Variants in SAP25 observed in about 807,000 individuals in gnomAD.
SAP25 encodes histone deacetylase complex subunit SAP25.
A neutral mutation model predicts 31.5 loss-of-function variants in SAP25; 24 were observed. The observed-to-expected ratio is 0.76, with a 90% confidence interval of 0.55 to 1.07. The LOEUF (loss-of-function observed/expected upper bound fraction) is 1.07, where lower values mean the gene tolerates loss of function less well. Among genes scored for constraint, SAP25 ranks in the 50% least tolerant of loss-of-function variants. The pLI is 0.00. For synonymous variants in SAP25, 180 were observed against 186.0 expected, an observed-to-expected ratio of 0.97 and a Z score of 0.26; for missense variants, 377 against 418.8, an observed-to-expected ratio of 0.90 and a Z score of 0.87.
chr7:100,572,658 TG>T lies in SAP25; in HGVS notation c.604del (p.Gln202SerfsTer3). On this transcript the variant is annotated frameshift_variant, in exon 5 of 6. Coordinates refer to ENST00000622764, the MANE Select transcript of SAP25 (RefSeq NM_001348680.2). LOFTEE classifies it high-confidence loss of function. The surrounding 1 kb of genome is among the most constrained non-coding windows in gnomAD (Gnocchi z 4.1). ...GGGAGGGGAAAGAGCTCTCACCTGCTGGGGGGCCTTGGACAGGTACAGGGGA... is the reference window on the plus strand; with the variant it reads ...GGGAGGGGAAAGAGCTCTCACCTGCTGGGGGCCTTGGACAGGTACAGGGGA... ...RVPLYLSKAP[Q>X]QMMGSLKLLP... 6.5e-7 allele frequency: 1 copy of T among 1,531,908 alleles called. No individual in the cohort carries two copies. Among genetic ancestry groups the T allele is most frequent in the Non-Finnish European group, 8.7e-7 (1 of 1,145,058 alleles). 94.9% of individuals were successfully genotyped at this position (1,531,908 alleles called of 1,614,324 possible).
chr7:100,573,119 G>A lies in SAP25; in HGVS notation c.344C>T (p.Pro115Leu), dbSNP rs1801195392. The change falls in exon 3 of 6, where the codon CCT becomes CTT. Residue 115 changes from proline (P) to leucine (L), a missense_variant. Physicochemically the swap from Pro to Leu is moderately conservative, Grantham distance 98. Transcript: ENST00000622764. The stretch of plus-strand genomic sequence containing the variant: ...CCCCCAACTCACCCACACCGGCCGA[G>A]GTCCTGCTTTGGCTTCATACTTGGG... ...WDPKYEAKAG[P>L]RPVWGANCSS... 1 of 1,536,036 alleles carries A rather than the reference G, an allele frequency of 6.5e-7. No individual in the cohort carries two copies. Among genetic ancestry groups the A allele is most frequent in the Non-Finnish European group, 8.7e-7 (1 of 1,146,246 alleles).
At position 100,572,864 on chromosome 7, in the gene SAP25, A is replaced by C; in HGVS notation, c.507T>G (p.Asp169Glu). The C allele has an allele frequency of 6.8e-7, 1 of 1,464,156 alleles. No individual in the cohort carries two copies. The highest frequency in any genetic ancestry group is 9.0e-7 in the Non-Finnish European group (1 of 1,112,530). 90.7% of individuals were successfully genotyped at this position (1,464,156 alleles called of 1,614,324 possible). A position where few individuals can be genotyped will look rare whatever the true frequency, so the allele number is the denominator to read the frequency against. The stretch of plus-strand genomic sequence containing the variant: ...CCGGGGGACCAAGGGAGGTACCTGC[A>C]TCTGGGGGCGCCTGCTGTCCATTCC... ...GHWNGQQAPP[D>E]AGFPVVCCED... is the part of the protein sequence containing the mutation. Residue 169 changes from aspartate (D) to glutamate (E), a missense_variant, in exon 4 of 6, where the codon GAT becomes GAG. Asp to Glu is a conservative substitution (Grantham distance 45). Transcript: ENST00000622764. This position sits in a 1 kb window ranked among gnomAD's most constrained non-coding sequence, Gnocchi z 4.1.
chr7:100,573,077 C>A, intron 3 of SAP25, 29 bp downstream of exon 3: 2 of 1,526,522 alleles, frequency 1.3e-6, no homozygotes, highest in Non-Finnish European at 1.8e-6. Flanking sequence ...AGCACCCCAG[C>A]CAGTCCCACA....
At position 100,572,352 on chromosome 7, in the gene SAP25, T is replaced by C. The variant is rs575414696; in HGVS notation, c.829A>G (p.Ser277Gly). 1.6e-5 allele frequency: 22 copies of C among 1,373,420 alleles called. No homozygotes were observed. The East Asian group carries it at 6.0e-4, about 37-fold the overall frequency. The allele number at this position is 1,373,420 out of a possible 1,614,324, so 85.1% of individuals were successfully genotyped here. ...TCAGCACCCTGAGAACTGCTGGGGC[T>C]ACCACAGGGGCTGGGTGGGTCAGAG... The part of the protein sequence containing the change: ...HTSDPPSPCG[S>G]PSSSQGADLS... The change falls in exon 6 of 6, where the codon AGC (serine) becomes GGC (glycine). Residue 277 changes from serine (S) to glycine (G), a missense_variant. Transcript: ENST00000622764. This position sits in a 1 kb window ranked among gnomAD's most constrained non-coding sequence, Gnocchi z 4.1.
chr7:100,572,656 G>T lies in SAP25; in HGVS notation c.607C>A (p.Gln203Lys). ...VPLYLSKAPQ[Q>K]MMGSLKLLPP... ...CAGGGAGGGGAAAGAGCTCTCACCT[G>T]CTGGGGGGCCTTGGACAGGTACAGG... Residue 203 changes from glutamine (Q) to lysine (K), a missense_variant and splice_region_variant, in exon 5 of 6, where the codon CAG becomes AAG. Coordinates refer to ENST00000622764, the MANE Select transcript of SAP25 (RefSeq NM_001348680.2). The surrounding 1 kb of genome is among the most constrained non-coding windows in gnomAD (Gnocchi z 4.1). 1 of 1,531,652 alleles carries T rather than the reference G, an allele frequency of 6.5e-7. No homozygotes were observed. 94.9% of individuals were successfully genotyped at this position (1,531,652 alleles called of 1,614,324 possible).
At position 100,572,616 on chromosome 7, in the gene SAP25, A is replaced by C. The variant is rs959485932; in HGVS notation, c.609+38T>G. ...TGTGTTTCCTGCCAGGCAAGCCTGG[A>C]GGCTGGGGTAAGGACAGGGAGGGGA... On this transcript the variant is annotated intron_variant, in intron 5 of 5. Transcript: ENST00000622764. This position sits in a 1 kb window ranked among gnomAD's most constrained non-coding sequence, Gnocchi z 4.1. 1 of 1,504,854 alleles carries C rather than the reference A, an allele frequency of 6.6e-7. No homozygotes were observed. Among genetic ancestry groups the C allele is most frequent in the East Asian group, 2.5e-5 (1 of 40,348 alleles). The allele number at this position is 1,504,854 out of a possible 1,614,324, so 93.2% of individuals were successfully genotyped here. A position where few individuals can be genotyped will look rare whatever the true frequency, so the allele number is the denominator to read the frequency against.
At position 100,573,120 on chromosome 7, in the gene SAP25, G is replaced by T. The variant is rs1176121129; in HGVS notation, c.343C>A (p.Pro115Thr). 4 of 1,535,916 alleles carry T rather than the reference G, an allele frequency of 2.6e-6. No homozygotes were observed. In the African/African-American group the frequency reaches 5.5e-5, roughly 21 times the overall value. The part of the protein sequence containing the change: ...WDPKYEAKAG[P>T]RPVWGANCSS... ...CCCCAACTCACCCACACCGGCCGAGGTCCTGCTTTGGCTTCATACTTGGGG... is the reference window on the plus strand; with the variant it reads ...CCCCAACTCACCCACACCGGCCGAGTTCCTGCTTTGGCTTCATACTTGGGG... The change falls in exon 3 of 6, where the codon CCT becomes ACT. Residue 115 changes from proline to threonine, a missense_variant. By Grantham distance (38) the Pro-to-Thr change is conservative. Coordinates refer to ENST00000622764, the MANE Select transcript of SAP25 (RefSeq NM_001348680.2).
rs1343192918 is a variant in SAP25, at chr7:100,573,226, T to C, written c.251-14A>G. The stretch of plus-strand genomic sequence containing the variant: ...GGGAACGGGGATCTGGGGGGACGCT[T>C]GGGGATTATAACAGGCTCACAGTCA... On this transcript the variant is annotated splice_polypyrimidine_tract_variant and intron_variant, in intron 2 of 5. Transcript: ENST00000622764. 1 of 1,462,162 alleles carries C rather than the reference T, an allele frequency of 6.8e-7. No individual in the cohort carries two copies. Among genetic ancestry groups the C allele is most frequent in the Non-Finnish European group, 9.2e-7 (1 of 1,092,256 alleles). The allele number at this position is 1,462,162 out of a possible 1,614,324, so 90.6% of individuals were successfully genotyped here.
chr7:100,573,248 G>A, intron 2 of SAP25, 36 bp from the exon 3 acceptor site: 3 of 1,445,886 alleles, frequency 2.1e-6, no homozygotes, highest in Middle Eastern at 2.2e-4. Context: ...CAGGCTCACA[G>A]TCAGTGAGAG....
At position 100,573,781 on chromosome 7, in the gene SAP25, C is replaced by T. The variant is rs933928954; in HGVS notation, c.-39G>A. On this transcript the variant is annotated 5_prime_UTR_variant, in exon 1 of 6. Transcript: ENST00000622764. ...GCGCAGGACGGTACCGCCGTGTCCC[C>T]GCCGCCCGGCCCGGCCCTCTCAGCC... 21 of 1,182,024 alleles carry T rather than the reference C, an allele frequency of 1.8e-5. No individual in the cohort carries two copies. In the African/African-American group the frequency reaches 2.7e-4, roughly 15 times the overall value. 73.2% of individuals were successfully genotyped at this position (1,182,024 alleles called of 1,614,324 possible). A position where few individuals can be genotyped will look rare whatever the true frequency, so the allele number is the denominator to read the frequency against.
chr7:100,573,753 C>G lies in SAP25; in HGVS notation c.-11G>C. On this transcript the variant is annotated 5_prime_UTR_variant, in exon 1 of 6. Transcript: ENST00000622764. Reference sequence around the variant, plus strand: ...CGACCAGGGCAACATTCCGCGTTCCCGAGCGCAGGACGGTACCGCCGTGTC... The same window carrying G: ...CGACCAGGGCAACATTCCGCGTTCCGGAGCGCAGGACGGTACCGCCGTGTC... 5.8e-6 allele frequency: 7 copies of G among 1,211,776 alleles called. No homozygotes were observed. The highest frequency in any genetic ancestry group is 7.2e-6 in the Non-Finnish European group (7 of 975,216). 75.1% of individuals were successfully genotyped at this position (1,211,776 alleles called of 1,614,324 possible).
chr7:100,572,477 C>T lies in SAP25; in HGVS notation c.704G>A (p.Trp235Ter), dbSNP rs910717457. The T allele has an allele frequency of 1.7e-5, 25 of 1,429,328 alleles. No homozygotes were observed. In the African/African-American group the frequency reaches 2.0e-4, roughly 12 times the overall value. 88.5% of individuals were successfully genotyped at this position (1,429,328 alleles called of 1,614,324 possible). A position where few individuals can be genotyped will look rare whatever the true frequency, so the allele number is the denominator to read the frequency against. Residue 235 changes from tryptophan to a stop codon, truncating the protein, a stop_gained, in exon 6 of 6, where the codon TGG becomes TAG. Transcript: ENST00000622764. LOFTEE classifies it high-confidence loss of function. The surrounding 1 kb of genome is among the most constrained non-coding windows in gnomAD (Gnocchi z 4.1). The part of the protein sequence containing the change: ...PSPSRGPSTA[W>*]LSGPELIALT... ...AGCGATCAGCTCCGGCCCGCTGAGC[C>T]AGGCAGTGGAGGGGCCCCGGGAGGG...
rs371316607 is a variant in SAP25, at chr7:100,573,117, G to A, written c.346C>T (p.Arg116Trp). 9.1e-6 allele frequency: 14 copies of A among 1,535,822 alleles called. No individual in the cohort carries two copies. Among genetic ancestry groups the A allele is most frequent in the African/African-American group, 5.5e-5 (4 of 72,972 alleles). Reference sequence around the variant, plus strand: ...TGCCCCCAACTCACCCACACCGGCCGAGGTCCTGCTTTGGCTTCATACTTG... The same window carrying A: ...TGCCCCCAACTCACCCACACCGGCCAAGGTCCTGCTTTGGCTTCATACTTG... Reference protein sequence around the residue: ...DPKYEAKAGPRPVWGANCSSG... With the variant: ...DPKYEAKAGPWPVWGANCSSG... Residue 116 changes from arginine (R) to tryptophan (W), a missense_variant, in exon 3 of 6, where the codon CGG becomes TGG. Arg to Trp is a moderately radical substitution (Grantham distance 101). Coordinates refer to ENST00000622764, the MANE Select transcript of SAP25 (RefSeq NM_001348680.2).
In SAP25 at chr7:100,572,381, T is replaced by C. The variant is rs959202833; in HGVS notation, c.800A>G (p.His267Arg). Reference protein sequence around the residue: ...PSSSAVGPPDHTSDPPSPCGS... With the variant: ...PSSSAVGPPDRTSDPPSPCGS... ...ACAGGGGCTGGGTGGGTCAGAGGTA[T>C]GGTCTGGGGGGCCAACCGCGGAGGA... The change falls in exon 6 of 6, where the codon CAT becomes CGT. Residue 267 changes from histidine (H) to arginine (R), a missense_variant. Physicochemically the swap from His to Arg is conservative, Grantham distance 29. Transcript: ENST00000622764. This position sits in a 1 kb window ranked among gnomAD's most constrained non-coding sequence, Gnocchi z 4.1. 18 of 1,400,640 alleles carry C rather than the reference T, an allele frequency of 1.3e-5. No homozygotes were observed. Among genetic ancestry groups the C allele is most frequent in the African/African-American group, 8.8e-5 (6 of 68,196 alleles). 86.8% of individuals were successfully genotyped at this position (1,400,640 alleles called of 1,614,324 possible).
In SAP25 at chr7:100,573,871, G is replaced by T; in HGVS notation, c.-129C>A. ...CCCACCCCAGAGGCCTCGCGGCGAC[G>T]CTGGCGCCCTGTGCGTCTCCCGGCC... is the stretch of plus-strand genomic sequence containing the variant. On this transcript the variant is annotated 5_prime_UTR_variant, in exon 1 of 6. Transcript: ENST00000622764. The T allele has an allele frequency of 1.3e-6, 1 of 777,382 alleles. No individual in the cohort carries two copies. 48.2% of individuals were successfully genotyped at this position (777,382 alleles called of 1,614,324 possible). A position where few individuals can be genotyped will look rare whatever the true frequency, so the allele number is the denominator to read the frequency against.
At position 100,572,383 on chromosome 7, in the gene SAP25, G is replaced by T. The variant is rs1291891673; in HGVS notation, c.798C>A (p.Asp266Glu). 1 of 1,411,378 alleles carries T rather than the reference G, an allele frequency of 7.1e-7. No individual in the cohort carries two copies. Among genetic ancestry groups the T allele is most frequent in the Non-Finnish European group, 9.2e-7 (1 of 1,086,054 alleles). 87.4% of individuals were successfully genotyped at this position (1,411,378 alleles called of 1,614,324 possible). ...AGGGGCTGGGTGGGTCAGAGGTATG[G>T]TCTGGGGGGCCAACCGCGGAGGAGC... Reference protein sequence around the residue: ...RPSSSAVGPPDHTSDPPSPCG... With the variant: ...RPSSSAVGPPEHTSDPPSPCG... The change falls in exon 6 of 6, where the codon GAC becomes GAA. Residue 266 changes from aspartate (D) to glutamate (E), a missense_variant. By Grantham distance (45) the Asp-to-Glu change is conservative. Transcript: ENST00000622764. The surrounding 1 kb of genome is among the most constrained non-coding windows in gnomAD (Gnocchi z 4.1).
At position 100,572,806 on chromosome 7, in the gene SAP25, G is replaced by T. The variant is rs1801180411; in HGVS notation, c.511+54C>A. On this transcript the variant is annotated intron_variant, in intron 4 of 5. Transcript: ENST00000622764. This position sits in a 1 kb window ranked among gnomAD's most constrained non-coding sequence, Gnocchi z 4.1. ...CTGCGGGCTCCCACCCCTGGGCACT[G>T]GTTCCCAGAGGAGTTGGGGCAGCCT... 1 of 1,500,458 alleles carries T rather than the reference G, an allele frequency of 6.7e-7. No individual in the cohort carries two copies. The highest frequency in any genetic ancestry group is 1.4e-5 in the African/African-American group (1 of 70,936). 92.9% of individuals were successfully genotyped at this position (1,500,458 alleles called of 1,614,324 possible).
rs1301904175 is a variant in SAP25 at position 100,573,142 on chromosome 7, G to A, written c.321C>T (p.Pro107=). ...SRMTPLAPWD[P]KYEAKAGPRP... ...GAGGTCCTGCTTTGGCTTCATACTT[G>A]GGGTCCCAGGGCGCTAGTGGAGTCA... The change falls in exon 3 of 6, where the codon CCC becomes CCT. Residue 107 remains proline (P), a synonymous_variant. Coordinates refer to ENST00000622764, the MANE Select transcript of SAP25 (RefSeq NM_001348680.2). 1.2e-5 allele frequency: 18 copies of A among 1,535,872 alleles called. No homozygotes were observed. The Admixed American group carries it at 3.3e-4, about 28-fold the overall frequency.
At position 100,572,778 on chromosome 7, in the gene SAP25, G is replaced by C; in HGVS notation, c.512-27C>G. 5 of 1,517,388 alleles carry C rather than the reference G, an allele frequency of 3.3e-6. No individual in the cohort carries two copies. The highest frequency in any genetic ancestry group is 4.4e-6 in the Non-Finnish European group (5 of 1,138,392). The allele number at this position is 1,517,388 out of a possible 1,614,324, so 94.0% of individuals were successfully genotyped here. On this transcript the variant is annotated intron_variant, in intron 4 of 5. Coordinates refer to ENST00000622764, the MANE Select transcript of SAP25 (RefSeq NM_001348680.2). The surrounding 1 kb of genome is among the most constrained non-coding windows in gnomAD (Gnocchi z 4.1). ...TAGGAGGAAACACCACTAGGGTGGCGGGCTGCGGGCTCCCACCCCTGGGCA... is the reference window on the plus strand; with the variant it reads ...TAGGAGGAAACACCACTAGGGTGGCCGGCTGCGGGCTCCCACCCCTGGGCA...
Sources: allele counts gnomAD v4.1 joint callset, GRCh38; gene constraint gnomAD v4.1.1; non-coding constraint Gnocchi (gnomAD v3.1); transcripts MANE v1.5; gene names NCBI Gene and HGNC (gene_info 2026-07-23, HGNC 2026-07-21).